The following COL23A1 variants were observed in gnomAD, a reference collection of about 807,000 sequenced individuals.
The protein encoded by COL23A1 is collagen alpha-1(XXIII) chain.
In COL23A1, 97 loss-of-function variants were observed where a neutral mutation model predicts 99.3. The observed-to-expected ratio is 0.98, with a 90% CI of 0.83 to 1.16. COL23A1 has a LOEUF of 1.16. COL23A1 is among the 50% of genes most tolerant of loss of function. COL23A1 has a pLI of 0.00. For missense variants in COL23A1, 762 were observed against 757.4 expected, an observed-to-expected ratio of 1.01 and a Z score of -0.07; for synonymous variants, 320 against 308.2, an observed-to-expected ratio of 1.04 and a Z score of -0.40.
intron 5 of COL23A1, among the ~76,000 whole-genome samples, chr5:178,287,105 T>G (rs1431140859): frequency 6.6e-6 from 1 of 152,228 alleles, no homozygotes; most frequent in East Asian, 1.9e-4. Context: ...AGGTCCGGGC[T>G]GCCGTGTGCA....
chr5:178,554,205 G>A (rs1278363925), intron 2 of COL23A1, among the ~76,000 whole-genome samples: 2 of 151,466 alleles, frequency 1.3e-5, no homozygotes, highest in Non-Finnish European at 2.9e-5. Flanking sequence ...TTGAGATGGA[G>A]TCTCGCTCTG....
At chr5:178,420,468 C>T (rs1341453618) in intron 2 of COL23A1, among the ~76,000 whole-genome samples, 3 of 85,118 alleles carry the variant, frequency 3.5e-5, no homozygotes, top group African/African-American at 1.4e-4. Flanking sequence ...CCTCTATCCT[C>T]CTCCCCTCCC....
At chr5:178,405,110 A>G (rs1208483166) in intron 2 of COL23A1, among the ~76,000 whole-genome samples, 6 of 152,284 alleles carry the variant, frequency 3.9e-5, no homozygotes, top group Admixed American at 1.3e-4. Context: ...CCGCATTCGC[A>G]CCACAGGCCA....
At chr5:178,587,810 G>A (rs1288111927) in intron 1 of COL23A1, among the ~76,000 whole-genome samples, 3 of 152,202 alleles carry the variant, frequency 2.0e-5, no homozygotes, top group Non-Finnish European at 2.9e-5. Context: ...CGGCCAGGCT[G>A]TGTACATTTC....
chr5:178,302,408 C>G (rs1758119756), intron 3 of COL23A1, among the ~76,000 whole-genome samples: 1 of 145,294 alleles, frequency 6.9e-6, no homozygotes, highest in Non-Finnish European at 1.5e-5. Context: ...CGGCTTCAAT[C>G]CACCTGTGTG....
Position 178,292,434 on chromosome 5 carries a change from C to T in COL23A1, c.407-2065G>A, listed in dbSNP as rs551878276. ...GCTCTAATTCCTCGGCTGGCAAAGC[C>T]ATCCCTTGATCACACACCCCGTTCT... On this transcript the variant is annotated intron_variant, in intron 3 of 28. Coordinates refer to ENST00000390654, the MANE Select transcript of COL23A1 (RefSeq NM_173465.4). Among the ~76,000 whole-genome samples the T allele has an allele frequency of 2.6e-4, 40 of 152,360 alleles. 1 individual carries two copies. In the South Asian group the frequency reaches 7.9e-3, roughly 30 times the overall value.
intron 3 of COL23A1, among the ~76,000 whole-genome samples, chr5:178,291,059 C>T (rs1757430265): frequency 6.6e-6 from 1 of 152,218 alleles, no homozygotes; most frequent in African/African-American, 2.4e-5. Flanking sequence ...AACGCAGAGG[C>T]TCACAGAGCA....
intron 2 of COL23A1, among the ~76,000 whole-genome samples, chr5:178,416,341 C>G (rs1765308344): frequency 6.6e-6 from 1 of 152,226 alleles, no homozygotes; most frequent in African/African-American, 2.4e-5. Context: ...CTGCCTCCCT[C>G]AGGAGGCTCC....
intron 2 of COL23A1, among the ~76,000 whole-genome samples, chr5:178,465,971 G>A (rs1756398366): frequency 6.6e-6 from 1 of 152,160 alleles, no homozygotes; most frequent in South Asian, 2.1e-4. Flanking sequence ...GCCTCGGGGT[G>A]AGTGCACCTC....
chr5:178,249,417 A>G (rs1764891429), intron 18 of COL23A1, among the ~76,000 whole-genome samples: 1 of 152,176 alleles, frequency 6.6e-6, no homozygotes, highest in Non-Finnish European at 1.5e-5. Context: ...GGGTGTGGGC[A>G]CCGCAGGGCA....
chr5:178,419,421 T>C (rs1753943167), intron 2 of COL23A1, among the ~76,000 whole-genome samples: 1 of 152,210 alleles, frequency 6.6e-6, no homozygotes, highest in African/African-American at 2.4e-5. Flanking sequence ...AAACACTGAC[T>C]GCAAACCTGT....
At chr5:178,570,360 C>G (rs1268853633) in intron 1 of COL23A1, among the ~76,000 whole-genome samples, 1 of 152,126 alleles carries the variant, frequency 6.6e-6, no homozygotes, top group Non-Finnish European at 1.5e-5. Flanking sequence ...CTGTGCCTGC[C>G]TCGGCCTCCC....
chr5:178,487,078 C>T (rs558295398), intron 2 of COL23A1, among the ~76,000 whole-genome samples: 9 of 141,410 alleles, frequency 6.4e-5, no homozygotes, highest in Admixed American at 1.4e-4. Context: ...CTGCACAGGA[C>T]GCTCTCAGAA....
intron 2 of COL23A1, among the ~76,000 whole-genome samples, chr5:178,321,746 C>T (rs1581148858): frequency 6.6e-6 from 1 of 152,162 alleles, no homozygotes; most frequent in East Asian, 1.9e-4. Flanking sequence ...GCCTCAGCCT[C>T]CCAAAGTGCT....
At chr5:178,279,128 T>G (rs1353064801) in intron 5 of COL23A1, among the ~76,000 whole-genome samples, 1 of 152,206 alleles carries the variant, frequency 6.6e-6, no homozygotes, top group Non-Finnish European at 1.5e-5. Context: ...CTCTGGCTGC[T>G]GTAGCACCTG....
At chr5:178,264,612 AG>A (rs1421767134) in intron 8 of COL23A1, among the ~76,000 whole-genome samples, 1 of 152,150 alleles carries the variant, frequency 6.6e-6, no homozygotes, top group Non-Finnish European at 1.5e-5. Flanking sequence ...TAACAAAGAA[AG>A]GAAGACCTAG....
intron 7 of COL23A1, among the ~76,000 whole-genome samples, chr5:178,267,646 C>T (rs1157711739): frequency 6.6e-6 from 1 of 152,154 alleles, no homozygotes; most frequent in Admixed American, 6.5e-5. Context: ...CCACTGTGTC[C>T]TCTGGAAGGG....
chr5:178,341,684 G>T (rs1276206740), intron 2 of COL23A1, among the ~76,000 whole-genome samples: 1 of 152,120 alleles, frequency 6.6e-6, no homozygotes, highest in Non-Finnish European at 1.5e-5. Context: ...GGTTGCCCCC[G>T]ATCTGCTGGC....
chr5:178,544,493 T>A lies in COL23A1; in HGVS notation c.361+16189A>T, dbSNP rs924460831. On this transcript the variant is annotated intron_variant, in intron 2 of 28. Transcript: ENST00000390654. The surrounding 1 kb of genome is among the most constrained non-coding windows in gnomAD (Gnocchi z 4.4). Reference sequence around the variant, plus strand: ...GATGGGGTCCCCTGTTCTCTCCACCTGCCCCAGAAAACAGCAAGACCGGTG... The same window carrying A: ...GATGGGGTCCCCTGTTCTCTCCACCAGCCCCAGAAAACAGCAAGACCGGTG... 3.3e-5 allele frequency among the ~76,000 whole-genome samples: 5 copies of A among 152,202 alleles called. No homozygotes were observed. Among genetic ancestry groups the A allele is most frequent in the Non-Finnish European group, 7.3e-5 (5 of 68,030 alleles).
Sources: gnomAD v4.1 joint callset for allele counts (sites outside exome capture counted in the v4.1 genomes callset) on GRCh38, gnomAD v4.1.1 for gene constraint, Gnocchi (gnomAD v3.1) non-coding constraint, MANE v1.5 for transcripts, NCBI Gene and HGNC (gene_info 2026-07-23, HGNC 2026-07-21) for gene names.